The following ADGRA2 variants were observed in gnomAD, a reference collection of about 807,000 sequenced individuals.
ADGRA2 encodes the protein G-protein coupled receptor 124.
A neutral mutation model predicts 98.7 loss-of-function variants in ADGRA2; 61 were observed. That is an observed-to-expected ratio of 0.62 (90% CI 0.50 to 0.76). The LOEUF (loss-of-function observed/expected upper bound fraction) is 0.76. ADGRA2 is among the 30% of genes least tolerant of loss of function. The pLI, the probability that ADGRA2 is intolerant of heterozygous loss-of-function variation, is 0.00. For missense variants in ADGRA2, 1,712 were observed against 1,860.0 expected (o/e 0.92, Z 1.46); for synonymous variants, 858 against 831.5 (o/e 1.03, Z -0.55).
chr8:37,804,690 A>AT (rs1317092923), intron 1 of ADGRA2, among the ~76,000 whole-genome samples: 1 of 152,200 alleles, frequency 6.6e-6, no homozygotes, highest in African/African-American at 2.4e-5. Flanking sequence ...GAGCCCCCAC[A>AT]TTAAACAGCT....
rs540963802 is a variant in ADGRA2, at chr8:37,816,034, T to C, written c.338+1067T>C. Among the ~76,000 whole-genome samples the C allele has an allele frequency of 4.6e-5, 7 of 152,276 alleles. No homozygotes were observed. In the East Asian group the frequency reaches 1.4e-3, roughly 29 times the overall value. On this transcript the variant is annotated intron_variant, in intron 2 of 18. Coordinates refer to ENST00000412232, the MANE Select transcript of ADGRA2 (RefSeq NM_032777.10). ...ATTTTGCCCAAATGGGTCAGCGCAA[T>C]GGGAGACACAAAAGAATAAGGTGTG...
At chr8:37,823,955 C>T (rs896908685) in intron 2 of ADGRA2, among the ~76,000 whole-genome samples, 19 of 152,002 alleles carry the variant, frequency 1.2e-4, no homozygotes, top group African/African-American at 4.6e-4. Flanking sequence ...GATAGACATC[C>T]CTTATCAGAT....
At chr8:37,819,347 G>T (rs1188237214) in intron 2 of ADGRA2, among the ~76,000 whole-genome samples, 3 of 152,092 alleles carry the variant, frequency 2.0e-5, no homozygotes, top group Non-Finnish European at 4.4e-5. Flanking sequence ...ACTGATCACT[G>T]CTGTATTTAT....
Position 37,831,466 on chromosome 8 carries a change from T to C in ADGRA2, c.976T>C (p.Trp326Arg). Reference protein sequence around the residue: ...SHIGVWASGEWECTVSMAQGN... With the variant: ...SHIGVWASGERECTVSMAQGN... Reference sequence around the variant, plus strand: ...CATCGGCGTGTGGGCCTCAGGCGAGTGGGAGTGCACCGTGTCCATGGCCCA... The same window carrying C: ...CATCGGCGTGTGGGCCTCAGGCGAGCGGGAGTGCACCGTGTCCATGGCCCA... Residue 326 changes from tryptophan (W) to arginine (R), a missense_variant, in exon 8 of 19, where the codon TGG (tryptophan) becomes CGG (arginine). Coordinates refer to ENST00000412232, the MANE Select transcript of ADGRA2 (RefSeq NM_032777.10). 1 of 1,613,118 alleles carries C rather than the reference T, an allele frequency of 6.2e-7. No individual in the cohort carries two copies. The highest frequency in any genetic ancestry group is 8.5e-7 in the Non-Finnish European group (1 of 1,179,982).
Position 37,844,462 on chromosome 8 carries a change from AG to A in ADGRA2, c.*2109del. On this transcript the variant is annotated 3_prime_UTR_variant, in exon 19 of 19. Coordinates refer to ENST00000412232, the MANE Select transcript of ADGRA2 (RefSeq NM_032777.10). ...AGGAATGTTATCAAGCTGTCAGAACAGGATGAAGTGCTCCCAGTGGATATCC... is the reference window on the plus strand; with the variant it reads ...AGGAATGTTATCAAGCTGTCAGAACAGATGAAGTGCTCCCAGTGGATATCC... The A allele has an allele frequency of 6.2e-7, 1 of 1,604,612 alleles. No individual in the cohort carries two copies. Among genetic ancestry groups the A allele is most frequent in the East Asian group, 2.2e-5 (1 of 44,782 alleles).
At chr8:37,839,712 G>C (rs1805733977) in intron 16 of ADGRA2, 90 bp downstream of exon 16, 3 of 1,510,318 alleles carry the variant, frequency 2.0e-6, no homozygotes, top group Non-Finnish European at 2.7e-6. Context: ...GAAGAAAAAG[G>C]CTGGTGCTCA....
intron 1 of ADGRA2, among the ~76,000 whole-genome samples, chr8:37,801,707 TAC>T (rs1449550689): frequency 6.6e-6 from 1 of 152,212 alleles, no homozygotes; most frequent in African/African-American, 2.4e-5. Context: ...TCCCACATCT[TAC>T]AGCTGAGCAA....
rs781330930 is a variant in ADGRA2, at chr8:37,841,407, G to T, written c.3069G>T (p.Val1023=). ...CGGGAGTCCAGCTAGGGGCGCTGGT[G>T]ACCACGCACTTCCTGTACTTGGCCA... ...YSPGVQLGAL[V]TTHFLYLAMW... is the part of the protein sequence containing the mutation. Residue 1023 remains valine, a synonymous_variant, in exon 19 of 19, where the codon GTG becomes GTT. Coordinates refer to ENST00000412232, the MANE Select transcript of ADGRA2 (RefSeq NM_032777.10). The surrounding 1 kb of genome is among the most constrained non-coding windows in gnomAD (Gnocchi z 5.0). 148 of 1,612,760 alleles carry T rather than the reference G, an allele frequency of 9.2e-5. No homozygotes were observed. Among genetic ancestry groups the T allele is most frequent in the Non-Finnish European group, 1.2e-4 (140 of 1,179,844 alleles).
At position 37,839,493 on chromosome 8, in the gene ADGRA2, G is replaced by A. The variant is rs545704151; in HGVS notation, c.2388-6G>A. 6.2e-6 allele frequency: 10 copies of A among 1,614,000 alleles called. No homozygotes were observed. The highest frequency in any genetic ancestry group is 4.5e-5 in the East Asian group (2 of 44,878). ...CGGCCATTAATTCGAGACTGTTTCC[G>A]GGCAGCTCCATCCGTGTGTCCCGGA... On this transcript the variant is annotated splice_polypyrimidine_tract_variant and splice_region_variant and intron_variant, in intron 15 of 18. Coordinates refer to ENST00000412232, the MANE Select transcript of ADGRA2 (RefSeq NM_032777.10).
intron 13 of ADGRA2, among the ~76,000 whole-genome samples, chr8:37,836,938 C>T (rs1232728719): frequency 6.6e-6 from 1 of 152,226 alleles, no homozygotes; most frequent in Non-Finnish European, 1.5e-5. Flanking sequence ...ATGTGCCAGA[C>T]TGTGCCTGAG....
chr8:37,826,827 C>A (rs796128999), intron 2 of ADGRA2, among the ~76,000 whole-genome samples: 2 of 152,104 alleles, frequency 1.3e-5, no homozygotes, highest in African/African-American at 2.4e-5. Context: ...CTCAGCCCCC[C>A]ACCCCTGACC....
chr8:37,842,380 G>A lies in ADGRA2; in HGVS notation c.*25G>A, dbSNP rs1309150962. The A allele has an allele frequency of 2.8e-6, 4 of 1,446,868 alleles. No homozygotes were observed. The highest frequency in any genetic ancestry group is 1.5e-5 in the South Asian group (1 of 66,156). The allele number at this position is 1,446,868 out of a possible 1,614,324, so 89.6% of individuals were successfully genotyped here. ...AGGTGGGGCGGGCGACGCGGTAGAC[G>A]GGCTGGCCACGCGGCTCGTTCCCCC... On this transcript the variant is annotated 3_prime_UTR_variant, in exon 19 of 19. Transcript: ENST00000412232.
chr8:37,804,100 GACACACAC>G (rs60565183), intron 1 of ADGRA2, among the ~76,000 whole-genome samples: 1,547 of 107,154 alleles, frequency 0.014, 26 homozygotes, highest in African/African-American at 0.04. Flanking sequence ...CCCACGGTGA[GACACACAC>G]ACACACACAC....
intron 1 of ADGRA2, among the ~76,000 whole-genome samples, chr8:37,800,509 G>A (rs769671111): frequency 3.3e-5 from 5 of 152,104 alleles, no homozygotes; most frequent in African/African-American, 4.8e-5. Flanking sequence ...CCTTTATTTC[G>A]AGGAGAAGTT....
At chr8:37,813,900 C>A (rs1394218520) in intron 1 of ADGRA2, among the ~76,000 whole-genome samples, 1 of 152,216 alleles carries the variant, frequency 6.6e-6, no homozygotes. Context: ...TTCCTTCCCA[C>A]TTCCCCCTCC....
At chr8:37,823,831 G>A (rs567649669) in intron 2 of ADGRA2, among the ~76,000 whole-genome samples, 42 of 152,126 alleles carry the variant, frequency 2.8e-4, no homozygotes, top group African/African-American at 9.6e-4. Flanking sequence ...TGGGCTTATT[G>A]GCCATTTGTG....
chr8:37,838,057 C>T (rs1805671498), intron 14 of ADGRA2, 118 bp downstream of exon 14: 1 of 854,120 alleles, frequency 1.2e-6, no homozygotes. Flanking sequence ...GACTGCAGCC[C>T]TAATTGGGCC....
Position 37,830,392 on chromosome 8 carries a change from C to T in ADGRA2, c.719-318C>T, listed in dbSNP as rs1290489679. 6.6e-6 allele frequency among the ~76,000 whole-genome samples: 1 copy of T among 152,204 alleles called. No individual in the cohort carries two copies. Among genetic ancestry groups the T allele is most frequent in the African/African-American group, 2.4e-5 (1 of 41,452 alleles). On this transcript the variant is annotated intron_variant, in intron 6 of 18. Coordinates refer to ENST00000412232, the MANE Select transcript of ADGRA2 (RefSeq NM_032777.10). The surrounding 1 kb of genome is among the most constrained non-coding windows in gnomAD (Gnocchi z 4.8). ...GTCCTCCAGGGCATCCCCTTTCCCT[C>T]GGTGTCCCGGGGTCAGTCCTCCATC... is the stretch of plus-strand genomic sequence containing the variant.
rs977443142 is a variant in ADGRA2, at chr8:37,797,003, C to T, written c.-266C>T. On this transcript the variant is annotated 5_prime_UTR_variant, in exon 1 of 19. Coordinates refer to ENST00000412232, the MANE Select transcript of ADGRA2 (RefSeq NM_032777.10). This position sits in a 1 kb window ranked among gnomAD's most constrained non-coding sequence, Gnocchi z 5.3. ...GGCCGGGCCTCCAGTGTCCCGAGGG[C>T]CGGGCGCTGAGACTCCGGCCGCGCA... The T allele has an allele frequency of 7.0e-5, 12 of 171,898 alleles. No individual in the cohort carries two copies. The highest frequency in any genetic ancestry group is 1.1e-4 in the Non-Finnish European group (9 of 81,706). 10.6% of individuals were successfully genotyped at this position (171,898 alleles called of 1,614,324 possible).
Sources: allele counts gnomAD v4.1 joint callset (sites outside exome capture counted in the v4.1 genomes callset), GRCh38; gene constraint gnomAD v4.1.1; non-coding constraint Gnocchi (gnomAD v3.1); transcripts MANE v1.5; gene names NCBI Gene and HGNC (gene_info 2026-07-23, HGNC 2026-07-21).